The following PSD3 variants were observed in gnomAD, a reference collection of about 807,000 sequenced individuals.
PSD3 encodes the protein pleckstrin and Sec7 domain containing 3.
In PSD3, 49 loss-of-function variants were observed where a neutral mutation model predicts 105.5. The ratio of observed to expected loss-of-function variants is 0.46; its 90% confidence interval spans 0.37 to 0.59. PSD3 has a LOEUF of 0.59. PSD3 is among the 20% of genes least tolerant of loss of function. PSD3 has a pLI of 0.00. For synonymous variants in PSD3, 557 were observed against 457.8 expected (o/e 1.22, Z -2.77); for missense variants, 1,561 against 1,263.8 (o/e 1.24, Z -3.57).
At chr8:18,921,725 C>T (rs1226342758) in intron 2 of PSD3, among the ~76,000 whole-genome samples, 2 of 152,062 alleles carry the variant, frequency 1.3e-5, no homozygotes, top group Non-Finnish European at 2.9e-5. Context: ...AACACATGGG[C>T]AAAAGTATAA....
intron 9 of PSD3, among the ~76,000 whole-genome samples, chr8:18,691,795 G>T (rs114684279): frequency 0.013 from 1,993 of 152,196 alleles, 42 homozygotes; most frequent in African/African-American, 0.039. Flanking sequence ...AATGATCAGA[G>T]ATCCCTGCCC....
chr8:18,579,546 A>C (rs192674822), intron 12 of PSD3, among the ~76,000 whole-genome samples: 1 of 152,182 alleles, frequency 6.6e-6, no homozygotes, highest in African/African-American at 2.4e-5. Context: ...CCATCCCAAT[A>C]AACACCAAGA....
chr8:19,065,342 G>A (rs1166300900), intron 1 of PSD3, among the ~76,000 whole-genome samples: 2 of 152,082 alleles, frequency 1.3e-5, no homozygotes, highest in Non-Finnish European at 2.9e-5. Context: ...TCAGCTCTGC[G>A]GTGGACATCA....
chr8:18,826,417 A>G (rs1563317623), intron 4 of PSD3, among the ~76,000 whole-genome samples: 1 of 152,222 alleles, frequency 6.6e-6, no homozygotes, highest in Non-Finnish European at 1.5e-5. Flanking sequence ...AGAGAATTGT[A>G]TCAGTAGCAA....
chr8:18,741,845 A>T (rs1804604849), intron 9 of PSD3, among the ~76,000 whole-genome samples: 1 of 151,820 alleles, frequency 6.6e-6, no homozygotes, highest in Non-Finnish European at 1.5e-5. Flanking sequence ...TTACCAACAA[A>T]TGAAATAGTG....
intron 15 of PSD3, among the ~76,000 whole-genome samples, chr8:18,539,826 G>A (rs1024571552): frequency 1.3e-5 from 2 of 152,154 alleles, no homozygotes; most frequent in East Asian, 3.9e-4. Context: ...GATTACAAGC[G>A]TGAGGCACCA....
intron 2 of PSD3, among the ~76,000 whole-genome samples, chr8:18,892,958 T>C (rs1017578327): frequency 6.6e-6 from 1 of 152,100 alleles, no homozygotes; most frequent in Non-Finnish European, 1.5e-5. Flanking sequence ...AACTGGATAA[T>C]ATGATTCAGA....
chr8:18,868,950 G>A (rs1817142211), intron 3 of PSD3, among the ~76,000 whole-genome samples: 1 of 152,034 alleles, frequency 6.6e-6, no homozygotes, highest in Non-Finnish European at 1.5e-5. Context: ...CTACAAATAG[G>A]AATAACATAG....
intron 1 of PSD3, among the ~76,000 whole-genome samples, chr8:19,075,316 C>A (rs1372156643): frequency 6.6e-6 from 1 of 152,194 alleles, no homozygotes; most frequent in African/African-American, 2.4e-5. Flanking sequence ...GTTGGCCAGG[C>A]TGGTTCAAAC....
At chr8:19,037,886 T>C (rs913788343) in intron 1 of PSD3, among the ~76,000 whole-genome samples, 2 of 150,622 alleles carry the variant, frequency 1.3e-5, no homozygotes, top group Non-Finnish European at 3.0e-5. Context: ...CCATAATAAA[T>C]CTCTCTACAT....
chr8:18,577,559 A>G (rs963120942), intron 12 of PSD3, among the ~76,000 whole-genome samples: 1 of 152,054 alleles, frequency 6.6e-6, no homozygotes, highest in Non-Finnish European at 1.5e-5. Context: ...ATTTAGGTTT[A>G]TAACTATCAT....
intron 9 of PSD3, among the ~76,000 whole-genome samples, chr8:18,682,808 G>A (rs1193404408): frequency 6.6e-6 from 1 of 152,070 alleles, no homozygotes; most frequent in Non-Finnish European, 1.5e-5. Context: ...AGGGCAGTGG[G>A]GAGTGGTGGG....
intron 1 of PSD3, among the ~76,000 whole-genome samples, chr8:19,082,930 G>T (rs906469781): frequency 6.6e-6 from 1 of 152,174 alleles, no homozygotes; most frequent in African/African-American, 2.4e-5. Flanking sequence ...CTTTCTCCCC[G>T]TTTCTTAACT....
chr8:18,792,456 G>A (rs1187092357), intron 8 of PSD3, among the ~76,000 whole-genome samples: 2 of 152,162 alleles, frequency 1.3e-5, no homozygotes, highest in Non-Finnish European at 2.9e-5. Flanking sequence ...GTAAACTAAG[G>A]CAGGAACAGA....
At chr8:18,855,246 T>C (rs1815914311) in intron 4 of PSD3, among the ~76,000 whole-genome samples, 1 of 152,194 alleles carries the variant, frequency 6.6e-6, no homozygotes, top group South Asian at 2.1e-4. Context: ...ATATGCCCTT[T>C]CAAGAATGTT....
chr8:18,617,938 G>T (rs944505183), intron 11 of PSD3, among the ~76,000 whole-genome samples: 1 of 152,150 alleles, frequency 6.6e-6, no homozygotes, highest in Non-Finnish European at 1.5e-5. Flanking sequence ...TCTAGTGGGG[G>T]AAATCTGCAT....
intron 8 of PSD3, among the ~76,000 whole-genome samples, chr8:18,790,861 A>G (rs1809655006): frequency 6.6e-6 from 1 of 152,090 alleles, no homozygotes; most frequent in Admixed American, 6.6e-5. Flanking sequence ...TCAAGGTGAT[A>G]AGCAACCTTG....
chr8:18,762,186 C>G (rs570626627), intron 9 of PSD3, among the ~76,000 whole-genome samples: 2 of 152,266 alleles, frequency 1.3e-5, no homozygotes, highest in Non-Finnish European at 1.5e-5. Flanking sequence ...AATGGGTTAG[C>G]ACTGTCCCCT....
rs2129861755 is a variant in PSD3, at chr8:18,531,126, A to T, written c.*4617T>A. ...TGATGACTGACATACTGCCTGTAAG[A>T]ATAGTCTCCAAAAGCCTGCAATACT... On this transcript the variant is annotated 3_prime_UTR_variant, in exon 16 of 16. Coordinates refer to ENST00000327040, the MANE Select transcript of PSD3 (RefSeq NM_015310.4). The T allele has an allele frequency of 6.5e-6, 1 of 152,732 alleles. No individual in the cohort carries two copies. The highest frequency in any genetic ancestry group is 2.1e-4 in the South Asian group (1 of 4,828). 9.5% of individuals were successfully genotyped at this position (152,732 alleles called of 1,614,324 possible). A position where few individuals can be genotyped will look rare whatever the true frequency, so the allele number is the denominator to read the frequency against.
Sources: allele counts gnomAD v4.1 joint callset (sites outside exome capture counted in the v4.1 genomes callset), GRCh38; gene constraint gnomAD v4.1.1; transcripts MANE v1.5; gene names NCBI Gene and HGNC (gene_info 2026-07-23, HGNC 2026-07-21).